The following IMMP2L variants were observed in gnomAD, a reference collection of about 807,000 sequenced individuals.
IMMP2L encodes the protein mitochondrial inner membrane protease subunit 2.
A neutral mutation model predicts 19.3 loss-of-function variants in IMMP2L; 18 were observed. The observed-to-expected ratio is 0.93, with a 90% CI of 0.64 to 1.38. The LOEUF is 1.38. Ranked by LOEUF, IMMP2L falls within the 40% of genes most tolerant of loss-of-function variation. IMMP2L has a pLI of 0.00. For synonymous variants in IMMP2L, 76 were observed against 73.0 expected (o/e 1.04, Z -0.21); for missense variants, 233 against 218.2 (o/e 1.07, Z -0.43).
At chr7:111,526,978 T>G (rs1329272889) in intron 1 of IMMP2L, among the ~76,000 whole-genome samples, 1 of 152,108 alleles carries the variant, frequency 6.6e-6, no homozygotes, top group Non-Finnish European at 1.5e-5. Flanking sequence ...TTTCCTGAAT[T>G]GTGAGCCTCC....
rs561730398 is a variant in IMMP2L, at chr7:110,821,133, A to ATAC, written c.408+65457_408+65459dup. On this transcript the variant is annotated intron_variant, in intron 5 of 5. Coordinates refer to ENST00000405709, the MANE Select transcript of IMMP2L (RefSeq NM_032549.4). ...AAGAGGTAACTCATTTAACTCTTATATACACTAACTCATTTAACTCTTCCC... is the reference window on the plus strand; with the variant it reads ...AAGAGGTAACTCATTTAACTCTTATATACTACACTAACTCATTTAACTCTTCCC... Among the ~76,000 whole-genome samples the ATAC allele has an allele frequency of 3.1e-3, 476 of 151,994 alleles. 2 individuals carry two copies. The highest frequency in any genetic ancestry group is 0.011 in the African/African-American group (448 of 41,352).
At chr7:111,008,647 T>TA (rs80263764) in intron 3 of IMMP2L, among the ~76,000 whole-genome samples, 3,753 of 147,324 alleles carry the variant, frequency 0.025, 141 homozygotes, top group African/African-American at 0.087. Context: ...TGCCCCCTAT[T>TA]AAAAAAAAAA....
At chr7:111,437,262 G>A (rs776521765) in intron 3 of IMMP2L, among the ~76,000 whole-genome samples, 5 of 151,582 alleles carry the variant, frequency 3.3e-5, no homozygotes, top group Admixed American at 6.6e-5. Context: ...CCTGACCAAC[G>A]TGGAAAAACC....
chr7:111,537,776 T>G (rs973748679), intron 1 of IMMP2L, among the ~76,000 whole-genome samples: 4 of 151,918 alleles, frequency 2.6e-5, no homozygotes, highest in Admixed American at 6.6e-5. Context: ...GCTCAAGTGA[T>G]CTACCCACCT....
At chr7:111,171,010 T>C (rs1274646342) in intron 3 of IMMP2L, among the ~76,000 whole-genome samples, 2 of 151,838 alleles carry the variant, frequency 1.3e-5, no homozygotes, top group Admixed American at 6.6e-5. Flanking sequence ...ATAGTTCTAA[T>C]TGCTCAGAAG....
intron 4 of IMMP2L, among the ~76,000 whole-genome samples, chr7:110,903,495 G>A (rs1355130473): frequency 1.3e-5 from 2 of 152,122 alleles, no homozygotes; most frequent in Non-Finnish European, 2.9e-5. Context: ...TCATGTAAGT[G>A]AAATCATGTA....
intron 5 of IMMP2L, among the ~76,000 whole-genome samples, chr7:110,698,398 A>G (rs751219007): frequency 6.6e-6 from 1 of 152,196 alleles, no homozygotes; most frequent in Non-Finnish European, 1.5e-5. Flanking sequence ...AATAATACTT[A>G]AGTAGCTGCC....
intron 4 of IMMP2L, among the ~76,000 whole-genome samples, chr7:110,928,938 C>T (rs1815175401): frequency 6.6e-6 from 1 of 152,042 alleles, no homozygotes; most frequent in Non-Finnish European, 1.5e-5. Flanking sequence ...GTGCTGATCT[C>T]CACCTGGCCA....
chr7:110,767,667 A>G (rs1429818915), intron 5 of IMMP2L, among the ~76,000 whole-genome samples: 1 of 152,092 alleles, frequency 6.6e-6, no homozygotes, highest in African/African-American at 2.4e-5. Context: ...TCTATTTCCA[A>G]TGTTATTCTC....
chr7:110,827,967 C>T (rs991869451), intron 5 of IMMP2L, among the ~76,000 whole-genome samples: 22 of 152,206 alleles, frequency 1.4e-4, no homozygotes, highest in Non-Finnish European at 1.3e-4. Flanking sequence ...GAGAGTTAGA[C>T]AAGTTCACCT....
chr7:111,499,958 C>T (rs1844007835), intron 2 of IMMP2L, among the ~76,000 whole-genome samples: 1 of 152,140 alleles, frequency 6.6e-6, no homozygotes, highest in Non-Finnish European at 1.5e-5. Context: ...ACAGCAGGTG[C>T]AGGACAGTGG....
intron 3 of IMMP2L, among the ~76,000 whole-genome samples, chr7:111,434,364 A>T (rs1186949541): frequency 4.0e-5 from 6 of 151,572 alleles, no homozygotes; most frequent in Non-Finnish European, 1.5e-5. Flanking sequence ...AAAATAGACA[A>T]ATGAGGATTA....
chr7:110,912,633 C>CTT (rs1813181925), intron 4 of IMMP2L, among the ~76,000 whole-genome samples: 2 of 151,306 alleles, frequency 1.3e-5, no homozygotes, highest in Admixed American at 1.3e-4. Context: ...GGCAATTTTA[C>CTT]AAAGAAAAGC....
chr7:111,238,077 T>G (rs1814551519), intron 3 of IMMP2L, among the ~76,000 whole-genome samples: 1 of 152,094 alleles, frequency 6.6e-6, no homozygotes, highest in Non-Finnish European at 1.5e-5. Flanking sequence ...TTGTCTTATA[T>G]CCTATTCTCA....
At chr7:111,340,473 C>A (rs1300492738) in intron 3 of IMMP2L, among the ~76,000 whole-genome samples, 2 of 152,044 alleles carry the variant, frequency 1.3e-5, no homozygotes, top group Non-Finnish European at 2.9e-5. Flanking sequence ...CCTATTTCCT[C>A]AAAACACATC....
intron 3 of IMMP2L, among the ~76,000 whole-genome samples, chr7:111,290,827 A>AACACACACAC (rs541375499): frequency 0.011 from 1,443 of 135,048 alleles, 25 homozygotes; most frequent in African/African-American, 0.035. Context: ...TATATATACA[A>AACACACACAC]ACACACACAC....
chr7:111,438,966 T>A (rs1267092024), intron 3 of IMMP2L, among the ~76,000 whole-genome samples: 1 of 151,874 alleles, frequency 6.6e-6, no homozygotes, highest in Non-Finnish European at 1.5e-5. Context: ...GAAACACTTC[T>A]TGCCTCAGAG....
intron 3 of IMMP2L, among the ~76,000 whole-genome samples, chr7:111,162,874 A>T (rs533259880): frequency 1.8e-4 from 27 of 152,094 alleles, no homozygotes; most frequent in Non-Finnish European, 3.5e-4. Context: ...TTGAACAAAC[A>T]CTAACATAGT....
chr7:111,056,604 T>C (rs980820368), intron 3 of IMMP2L, among the ~76,000 whole-genome samples: 4 of 152,224 alleles, frequency 2.6e-5, no homozygotes, highest in Non-Finnish European at 5.9e-5. Flanking sequence ...GTATAACTTT[T>C]GACTCCCTCT....
Sources: gnomAD v4.1 joint callset for allele counts (sites outside exome capture counted in the v4.1 genomes callset) on GRCh38, gnomAD v4.1.1 for gene constraint, MANE v1.5 for transcripts, NCBI Gene and HGNC (gene_info 2026-07-23, HGNC 2026-07-21) for gene names.